SMC5: variants seen among roughly 807,000 people sequenced by gnomAD.
SMC5 encodes the protein structural maintenance of chromosomes 5, also known as structural maintenance of chromosomes protein 5.
Under a neutral mutation model 148.3 loss-of-function variants are expected in SMC5, and 88 were observed. That is an observed-to-expected ratio of 0.59 (90% CI 0.50 to 0.71). The LOEUF is 0.71. Among genes scored for constraint, SMC5 ranks in the 30% least tolerant of loss-of-function variants. SMC5 has a pLI of 0.00. For synonymous variants in SMC5, 421 were observed against 432.8 expected (o/e 0.97, Z 0.34); for missense variants, 1,142 against 1,298.9 (o/e 0.88, Z 1.86).
rs181453254 is a variant in SMC5 at position 70,277,466 on chromosome 9, C to G, written c.537C>G (p.Leu179=). The change falls in exon 4 of 25, where the codon CTC becomes CTG. Residue 179 remains leucine, a synonymous_variant. Transcript: ENST00000361138. ...NIQVGNLCQF[L]PQDKVGEFAK... ...AAGTGGGGAATCTTTGCCAGTTTCT[C>G]CCTCAGGTATGAGAGAAATAAATGT... is the stretch of plus-strand genomic sequence containing the variant. The G allele has an allele frequency of 1.9e-4, 305 of 1,583,936 alleles. No homozygotes were observed. Among genetic ancestry groups the G allele is most frequent in the Admixed American group, 1.5e-4 (8 of 53,608 alleles).
At chr9:70,279,650 C>G (rs1172505443) in intron 5 of SMC5, among the ~76,000 whole-genome samples, 2 of 151,952 alleles carry the variant, frequency 1.3e-5, no homozygotes, top group Non-Finnish European at 2.9e-5. Flanking sequence ...AACCCTGTCT[C>G]TACTAAAAAT....
intron 8 of SMC5, 33 bp downstream of exon 8, chr9:70,286,304 A>T (rs1481924240): frequency 7.2e-7 from 1 of 1,388,470 alleles, no homozygotes; most frequent in Non-Finnish European, 1.0e-6. Context: ...TTATTACATT[A>T]AAGTTTGCTC....
chr9:70,278,347 T>C (rs191066639), intron 4 of SMC5, 144 bp from the exon 5 acceptor site: 78 of 743,380 alleles, frequency 1.0e-4, no homozygotes, highest in Non-Finnish European at 1.7e-5. Flanking sequence ...TTCATTATTC[T>C]AAAGAATAAT....
Position 70,339,914 on chromosome 9 carries a change from G to A in SMC5, c.2398-4230G>A, listed in dbSNP as rs554585199. On this transcript the variant is annotated intron_variant, in intron 17 of 24. Coordinates refer to ENST00000361138, the MANE Select transcript of SMC5 (RefSeq NM_015110.4). ...TTTTTAGGACAAATTAGTAAGCTGTGTGTGAATCCAAATACAGAGGTCGAT... is the reference window on the plus strand; with the variant it reads ...TTTTTAGGACAAATTAGTAAGCTGTATGTGAATCCAAATACAGAGGTCGAT... Among the ~76,000 whole-genome samples the A allele has an allele frequency of 2.9e-4, 44 of 152,244 alleles. 1 individual carries two copies. In the South Asian group the frequency reaches 8.9e-3, roughly 31 times the overall value.
chr9:70,319,444 CTTTAG>C (rs1358037876), intron 15 of SMC5, among the ~76,000 whole-genome samples: 2 of 151,930 alleles, frequency 1.3e-5, no homozygotes, highest in African/African-American at 4.8e-5. Context: ...TTGCAGATTT[CTTTAG>C]TTGAAGTCAG....
At chr9:70,314,478 G>A (rs2035743670) in intron 11 of SMC5, among the ~76,000 whole-genome samples, 3 of 151,906 alleles carry the variant, frequency 2.0e-5, no homozygotes, top group Non-Finnish European at 4.4e-5. Flanking sequence ...TCTCCCTTCT[G>A]TATCATTTTG....
At chr9:70,305,180 A>G in intron 10 of SMC5, 67 bp from the exon 11 acceptor site, 1 of 690,208 alleles carries the variant, frequency 1.4e-6, no homozygotes, top group East Asian at 2.6e-5. Context: ...TCCAATTTTA[A>G]TATAAACATG....
intron 11 of SMC5, among the ~76,000 whole-genome samples, chr9:70,309,677 C>A (rs1463614867): frequency 6.6e-6 from 1 of 152,170 alleles, no homozygotes; most frequent in African/African-American, 2.4e-5. Flanking sequence ...TTGGGCTCCA[C>A]TTCCAATTCT....
chr9:70,348,133 A>G, intron 22 of SMC5, 95 bp downstream of exon 22: 2 of 1,191,208 alleles, frequency 1.7e-6, no homozygotes, highest in Non-Finnish European at 1.1e-6. Flanking sequence ...TTTGAGTTAT[A>G]TCTGTGAAAA....
chr9:70,306,826 T>G (rs1232673080), intron 11 of SMC5, among the ~76,000 whole-genome samples: 2 of 152,224 alleles, frequency 1.3e-5, no homozygotes, highest in Non-Finnish European at 2.9e-5. Flanking sequence ...CTCCTATATC[T>G]GTGACTTTTT....
At position 70,318,790 on chromosome 9, in the gene SMC5, A is replaced by G. The variant is rs769806053; in HGVS notation, c.1981-4A>G. 4.2e-5 allele frequency: 66 copies of G among 1,557,644 alleles called. No homozygotes were observed. The South Asian group carries it at 8.2e-4, about 19-fold the overall frequency. On this transcript the variant is annotated splice_region_variant and splice_polypyrimidine_tract_variant and intron_variant, in intron 14 of 24. Transcript: ENST00000361138. The stretch of plus-strand genomic sequence containing the variant: ...TATGTTAACAATTTTTAAATATTTT[A>G]TAGGAAATTCATAGAAAATTGCAAG...
At chr9:70,346,489 C>T in intron 18 of SMC5, 116 bp from the exon 19 acceptor site, 1 of 1,010,330 alleles carries the variant, frequency 9.9e-7, no homozygotes, top group Non-Finnish European at 1.5e-6. Context: ...ATTCAACTGT[C>T]AAAGTAATTA....
At chr9:70,299,437 C>T (rs1015754528) in intron 9 of SMC5, among the ~76,000 whole-genome samples, 6 of 151,868 alleles carry the variant, frequency 4.0e-5, no homozygotes, top group African/African-American at 1.2e-4. Flanking sequence ...CTTCTCCTTC[C>T]ATCTAAACTG....
chr9:70,296,588 A>G (rs527499915), intron 8 of SMC5, among the ~76,000 whole-genome samples: 1 of 152,262 alleles, frequency 6.6e-6, no homozygotes, highest in East Asian at 1.9e-4. Flanking sequence ...AAGGACATTA[A>G]GATTATAAGT....
At chr9:70,343,227 G>A (rs908013907) in intron 17 of SMC5, among the ~76,000 whole-genome samples, 2 of 151,674 alleles carry the variant, frequency 1.3e-5, no homozygotes, top group African/African-American at 2.4e-5. Context: ...TAATGTATGC[G>A]AAGCACCTAG....
chr9:70,328,375 C>G (rs1031569548), intron 17 of SMC5, among the ~76,000 whole-genome samples: 14 of 152,176 alleles, frequency 9.2e-5, no homozygotes, highest in Non-Finnish European at 2.1e-4. Context: ...AGTGGGGGCG[C>G]AGGCATTGGG....
At position 70,305,145 on chromosome 9, in the gene SMC5, TC is replaced by T; in HGVS notation, c.1465-101del. The T allele has an allele frequency of 5.2e-6, 3 of 576,206 alleles. No homozygotes were observed. The South Asian group carries it at 6.9e-5, about 13-fold the overall frequency. The allele number at this position is 576,206 out of a possible 1,614,324, so 35.7% of individuals were successfully genotyped here. On this transcript the variant is annotated intron_variant, in intron 10 of 24. Transcript: ENST00000361138. ...AGTTCTTTTTTTTTATCTTGTTTTT[TC>T]TCAAGTATTACAATCTAATTAAATC...
intron 17 of SMC5, among the ~76,000 whole-genome samples, chr9:70,330,200 A>G (rs2036184094): frequency 6.6e-6 from 1 of 152,176 alleles, no homozygotes; most frequent in Admixed American, 6.5e-5. Context: ...CCTCAGCATT[A>G]TTGACATTTT....
At chr9:70,273,459 CT>C (rs2034505268) in intron 3 of SMC5, among the ~76,000 whole-genome samples, 1 of 151,742 alleles carries the variant, frequency 6.6e-6, no homozygotes, top group Non-Finnish European at 1.5e-5. Context: ...TTTCAATGAA[CT>C]AACTTTTGCA....
Sources: gnomAD v4.1 joint callset for allele counts (sites outside exome capture counted in the v4.1 genomes callset) on GRCh38, gnomAD v4.1.1 for gene constraint, MANE v1.5 for transcripts, NCBI Gene and HGNC (gene_info 2026-07-23, HGNC 2026-07-21) for gene names.